KCNH5: variants seen among roughly 807,000 people sequenced by gnomAD.
KCNH5 encodes the protein potassium voltage-gated channel subfamily H member 5, also known as voltage-gated delayed rectifier potassium channel KCNH5.
KCNH5 carries 46 observed loss-of-function variants against 96.1 expected under a neutral mutation model. The observed-to-expected ratio is 0.48, with a 90% CI of 0.38 to 0.61. KCNH5 has a LOEUF of 0.61. KCNH5 is among the 20% of genes least tolerant of loss of function. KCNH5 has a pLI of 0.00. For missense variants in KCNH5, 907 were observed against 1,225.8 expected (o/e 0.74, Z 3.88); for synonymous variants, 439 against 449.8 (o/e 0.98, Z 0.30).
intron 2 of KCNH5, among the ~76,000 whole-genome samples, chr14:63,011,138 A>G (rs1344134868): frequency 6.6e-6 from 1 of 152,174 alleles, no homozygotes; most frequent in Non-Finnish European, 1.5e-5. Context: ...AAGGATCAAA[A>G]AAGATAAAGC....
At chr14:62,914,855 G>A (rs150751619) in intron 7 of KCNH5, among the ~76,000 whole-genome samples, 92 of 152,324 alleles carry the variant, frequency 6.0e-4, no homozygotes, top group African/African-American at 2.2e-3. Flanking sequence ...CATGCCGAAC[G>A]TGCATACCTC....
chr14:62,844,616 A>T (rs190195555), intron 8 of KCNH5, among the ~76,000 whole-genome samples: 102 of 152,232 alleles, frequency 6.7e-4, no homozygotes, highest in Admixed American at 1.7e-3. Flanking sequence ...TATTAAATTT[A>T]AAAAAAATCT....
At chr14:62,776,822 G>A (rs1886107636) in intron 10 of KCNH5, among the ~76,000 whole-genome samples, 1 of 152,168 alleles carries the variant, frequency 6.6e-6, no homozygotes, top group South Asian at 2.1e-4. Context: ...CCTTAATGGA[G>A]ATGAAGGCAA....
chr14:62,815,817 G>C (rs887000188), intron 8 of KCNH5, among the ~76,000 whole-genome samples: 3 of 151,896 alleles, frequency 2.0e-5, no homozygotes, highest in Admixed American at 6.6e-5. Flanking sequence ...CCAATAGAGA[G>C]AGCAAAGTAA....
At chr14:62,712,894 C>T (rs1305977940) in intron 10 of KCNH5, among the ~76,000 whole-genome samples, 1 of 152,156 alleles carries the variant, frequency 6.6e-6, no homozygotes, top group Non-Finnish European at 1.5e-5. Flanking sequence ...TCAAGGACAC[C>T]TTGTGTTTTT....
intron 7 of KCNH5, among the ~76,000 whole-genome samples, chr14:62,940,198 C>T (rs188149584): frequency 6.6e-6 from 1 of 152,222 alleles, no homozygotes; most frequent in Non-Finnish European, 1.5e-5. Context: ...TGTATTGGAA[C>T]ATAGCCACAC....
At chr14:62,965,643 TTTCTCAATG>T (rs35877014) in intron 6 of KCNH5, among the ~76,000 whole-genome samples, 13,161 of 152,090 alleles carry the variant, frequency 0.087, 607 homozygotes, top group Non-Finnish European at 0.1. Flanking sequence ...TCCCTGTATA[TTTCTCAATG>T]TACCACCACA....
intron 7 of KCNH5, among the ~76,000 whole-genome samples, chr14:62,928,745 C>T (rs926536300): frequency 1.3e-5 from 2 of 152,034 alleles, no homozygotes; most frequent in African/African-American, 4.8e-5. Context: ...AAACACTTTC[C>T]TCAGCTGACC....
At chr14:62,761,353 T>C (rs1885745888) in intron 10 of KCNH5, among the ~76,000 whole-genome samples, 1 of 111,884 alleles carries the variant, frequency 8.9e-6, no homozygotes, top group Non-Finnish European at 1.9e-5. Context: ...AGACTCACTC[T>C]CTCAAAAAAA....
intron 10 of KCNH5, among the ~76,000 whole-genome samples, chr14:62,770,785 C>T (rs1885969039): frequency 6.6e-6 from 1 of 152,072 alleles, no homozygotes; most frequent in Non-Finnish European, 1.5e-5. Context: ...TGTTACACTC[C>T]AGCTGTAAGT....
intron 6 of KCNH5, among the ~76,000 whole-genome samples, chr14:62,953,234 T>C (rs1481496782): frequency 6.6e-6 from 1 of 152,054 alleles, no homozygotes; most frequent in Non-Finnish European, 1.5e-5. Flanking sequence ...ATAGGTTCTA[T>C]GGCACTACTT....
At position 62,980,268 on chromosome 14, in the gene KCNH5, C is replaced by T. The variant is rs145616561; in HGVS notation, c.942+604G>A. Reference sequence around the variant, plus strand: ...AATGGACTAATACGTCATCCAATATCCACAAATATATTCAGACAAAATGTA... The same window carrying T: ...AATGGACTAATACGTCATCCAATATTCACAAATATATTCAGACAAAATGTA... On this transcript the variant is annotated intron_variant, in intron 6 of 10. Coordinates refer to ENST00000322893, the MANE Select transcript of KCNH5 (RefSeq NM_139318.5). 1.5e-3 allele frequency among the ~76,000 whole-genome samples: 228 copies of T among 152,228 alleles called. 1 individual carries two copies. The highest frequency in any genetic ancestry group is 5.2e-3 in the African/African-American group (218 of 41,542).
chr14:62,955,098 C>A (rs61381560), intron 6 of KCNH5, among the ~76,000 whole-genome samples: 17,661 of 149,000 alleles, frequency 0.12, 2,071 homozygotes, highest in African/African-American at 0.3. Context: ...AAAAAAAAAA[C>A]CCCTCAAAAC....
chr14:63,003,483 T>G (rs1311138832), intron 3 of KCNH5, among the ~76,000 whole-genome samples: 17 of 127,068 alleles, frequency 1.3e-4, no homozygotes, highest in Non-Finnish European at 2.2e-4. Context: ...TATATATATT[T>G]TATATATATT....
intron 10 of KCNH5, among the ~76,000 whole-genome samples, chr14:62,713,205 G>T (rs1205134139): frequency 2.0e-5 from 3 of 152,176 alleles, no homozygotes; most frequent in Admixed American, 6.5e-5. Context: ...AATGGAAAAT[G>T]TTACAAATAA....
At chr14:62,956,794 T>C (rs953239242) in intron 6 of KCNH5, among the ~76,000 whole-genome samples, 1 of 152,178 alleles carries the variant, frequency 6.6e-6, no homozygotes, top group Admixed American at 6.5e-5. Flanking sequence ...GTTTTAGAGG[T>C]TGATCCTCCA....
At chr14:62,945,456 C>T (rs1017103357) in intron 7 of KCNH5, among the ~76,000 whole-genome samples, 2 of 152,170 alleles carry the variant, frequency 1.3e-5, no homozygotes, top group African/African-American at 2.4e-5. Context: ...CCATCAGGGA[C>T]ATCTTCAATT....
chr14:62,945,135 CTG>C lies in KCNH5; in HGVS notation c.1369+4996_1369+4997del, dbSNP rs1414649689. ...ACCAAATACAGTTTCGGAAACCCAA[CTG>C]AATATACGTGAAAATTTCCACTGTA... On this transcript the variant is annotated intron_variant, in intron 7 of 10. Coordinates refer to ENST00000322893, the MANE Select transcript of KCNH5 (RefSeq NM_139318.5). 4.6e-5 allele frequency among the ~76,000 whole-genome samples: 7 copies of C among 152,272 alleles called. No homozygotes were observed. The South Asian group carries it at 6.2e-4, about 14-fold the overall frequency.
In KCNH5 at chr14:62,899,557, C is replaced by T. The variant is rs929285532; in HGVS notation, c.1370-49705G>A. On this transcript the variant is annotated intron_variant, in intron 7 of 10. Transcript: ENST00000322893. ...TACAGTAAAAAAAATTGAGGCCGGG[C>T]GCGGTGGCTCACGCCTGTAATCCCA... Among the ~76,000 whole-genome samples the T allele has an allele frequency of 2.0e-4, 30 of 152,096 alleles. 1 individual carries two copies. Among genetic ancestry groups the T allele is most frequent in the Admixed American group, 6.6e-5 (1 of 15,264 alleles).
Sources: gnomAD v4.1 joint callset for allele counts (sites outside exome capture counted in the v4.1 genomes callset) on GRCh38, gnomAD v4.1.1 for gene constraint, MANE v1.5 for transcripts, NCBI Gene and HGNC (gene_info 2026-07-23, HGNC 2026-07-21) for gene names.